CHD6: variants seen among roughly 807,000 people sequenced by gnomAD.
CHD6 encodes chromodomain helicase DNA binding protein 6.
In CHD6, 50 loss-of-function variants were observed where a neutral mutation model predicts 276.9. The observed-to-expected ratio is 0.18, with a 90% CI of 0.14 to 0.23. CHD6 has a LOEUF of 0.23. Ranked by LOEUF, CHD6 falls within the 10% of genes least tolerant of loss-of-function variation. The pLI, the probability that CHD6 is intolerant of heterozygous loss-of-function variation, is 1.00. For missense variants in CHD6, 2,564 were observed against 3,365.8 expected (o/e 0.76, Z 5.89); for synonymous variants, 1,173 against 1,229.3 (o/e 0.95, Z 0.96).
intron 3 of CHD6, among the ~76,000 whole-genome samples, chr20:41,518,058 C>T (rs2044294246): frequency 5.3e-5 from 8 of 152,180 alleles, no homozygotes; most frequent in Admixed American, 4.6e-4. Flanking sequence ...TTATAGCTCT[C>T]TTAGAAAAAG....
chr20:41,496,009 G>T (rs1376551539), intron 8 of CHD6, among the ~76,000 whole-genome samples: 1 of 152,196 alleles, frequency 6.6e-6, no homozygotes, highest in Non-Finnish European at 1.5e-5. Context: ...CACCATGACA[G>T]TCCTCTTGCA....
intron 2 of CHD6, among the ~76,000 whole-genome samples, chr20:41,541,095 CCA>C: frequency 6.6e-6 from 1 of 150,882 alleles, no homozygotes; most frequent in Non-Finnish European, 1.5e-5. Context: ...TGGAACTTAT[CCA>C]CTCAGCAAAG....
chr20:41,543,016 A>G (rs1340940878), intron 2 of CHD6, among the ~76,000 whole-genome samples: 1 of 151,012 alleles, frequency 6.6e-6, no homozygotes, highest in Non-Finnish European at 1.5e-5. Context: ...AGGCAGGAGA[A>G]TTGCTTGATT....
chr20:41,471,156 C>T (rs1018358091), intron 17 of CHD6, among the ~76,000 whole-genome samples: 2 of 152,206 alleles, frequency 1.3e-5, no homozygotes, highest in African/African-American at 4.8e-5. Flanking sequence ...CTCAATTCTG[C>T]CACTGTAACA....
intron 3 of CHD6, among the ~76,000 whole-genome samples, chr20:41,532,563 G>T (rs1419358334): frequency 6.6e-6 from 1 of 152,156 alleles, no homozygotes; most frequent in Non-Finnish European, 1.5e-5. Flanking sequence ...ATTCTTTTTA[G>T]TCCAAAAGGA....
chr20:41,453,204 C>T (rs906466060), intron 20 of CHD6, among the ~76,000 whole-genome samples: 2 of 151,990 alleles, frequency 1.3e-5, no homozygotes, highest in South Asian at 2.1e-4. Context: ...TCATTCTACC[C>T]GGGGTGTGGG....
chr20:41,558,572 G>C (rs768087352), intron 1 of CHD6, among the ~76,000 whole-genome samples: 1 of 152,092 alleles, frequency 6.6e-6, no homozygotes, highest in African/African-American at 2.4e-5. Flanking sequence ...TAAGAAAAAG[G>C]GTGCCAAGTT....
intron 1 of CHD6, among the ~76,000 whole-genome samples, chr20:41,598,931 T>A (rs2045746433): frequency 6.6e-6 from 1 of 151,838 alleles, no homozygotes. Context: ...AAAAGGACAA[T>A]CACAAAAAAA....
chr20:41,564,315 C>T (rs1000101222), intron 1 of CHD6, among the ~76,000 whole-genome samples: 2 of 152,132 alleles, frequency 1.3e-5, no homozygotes, highest in Admixed American at 6.5e-5. Context: ...AATGTAAACT[C>T]CCTCTTGGGG....
chr20:41,450,177 G>A (rs1201782021), intron 23 of CHD6, among the ~76,000 whole-genome samples: 1 of 152,190 alleles, frequency 6.6e-6, no homozygotes, highest in African/African-American at 2.4e-5. Context: ...TTAAGAAGAT[G>A]TTATAGGGAG....
At chr20:41,479,136 A>T (rs115122225) in intron 16 of CHD6, among the ~76,000 whole-genome samples, 1,994 of 152,256 alleles carry the variant, frequency 0.013, 41 homozygotes, top group African/African-American at 0.046. Context: ...TTGAAGACAG[A>T]TAAAAGAGAG....
At chr20:41,545,467 G>T (rs2045022381) in intron 2 of CHD6, among the ~76,000 whole-genome samples, 1 of 152,150 alleles carries the variant, frequency 6.6e-6, no homozygotes, top group African/African-American at 2.4e-5. Context: ...TGATTCTAGG[G>T]TGAGGCTCTT....
rs185684824 is a variant in CHD6 at position 41,556,271 on chromosome 20, G to A, written c.-23-4911C>T. On this transcript the variant is annotated intron_variant, in intron 1 of 36. Coordinates refer to ENST00000373233, the MANE Select transcript of CHD6 (RefSeq NM_032221.5). ...GAGGGAGAGGGAGAGGGAGACCGTG[G>A]GGAGACGGGAGAGGGAGAGGGAGAC... Among the ~76,000 whole-genome samples the A allele has an allele frequency of 1.3e-4, 20 of 151,624 alleles. No homozygotes were observed. The East Asian group carries it at 4.0e-3, about 30-fold the overall frequency.
At chr20:41,585,511 C>CAAAAAA (rs60920576) in intron 1 of CHD6, among the ~76,000 whole-genome samples, 21 of 74,154 alleles carry the variant, frequency 2.8e-4, no homozygotes, top group South Asian at 4.7e-4. Flanking sequence ...TCCGTCTCAC[C>CAAAAAA]AAAAAAAAAA....
intron 1 of CHD6, among the ~76,000 whole-genome samples, chr20:41,587,779 A>G (rs911582285): frequency 1.3e-5 from 2 of 152,188 alleles, no homozygotes; most frequent in African/African-American, 4.8e-5. Flanking sequence ...AAGAGCAGTC[A>G]ATGCCTGAAC....
chr20:41,421,954 G>A lies in CHD6; in HGVS notation c.4681C>T (p.Arg1561Cys), dbSNP rs759575813. The change falls in exon 31 of 37, where the codon CGC becomes TGC. Residue 1561 changes from arginine to cysteine, a missense_variant. Around this residue, in one of 7 missense-constraint regions of CHD6, gnomAD observed 515 missense variants for 739.5 expected, o/e 0.70. Coordinates refer to ENST00000373233, the MANE Select transcript of CHD6 (RefSeq NM_032221.5). Reference sequence around the variant, plus strand: ...AGGCTGGGCCTGCACAGCTGGAGGCGTTCATGCAGCTGAGGGCACTTGAGC... The same window carrying A: ...AGGCTGGGCCTGCACAGCTGGAGGCATTCATGCAGCTGAGGGCACTTGAGC... ...QVLKCPQLHE[R>C]LQLCRPSLYL... 2.5e-6 allele frequency: 4 copies of A among 1,614,234 alleles called. No homozygotes were observed. The highest frequency in any genetic ancestry group is 2.2e-5 in the South Asian group (2 of 91,084).
intron 1 of CHD6, among the ~76,000 whole-genome samples, chr20:41,589,876 T>C (rs914904443): frequency 1.3e-5 from 2 of 152,180 alleles, no homozygotes; most frequent in Non-Finnish European, 2.9e-5. Flanking sequence ...TTAAAGTTCA[T>C]ATGGAACCAA....
At chr20:41,582,485 T>A (rs1357810045) in intron 1 of CHD6, among the ~76,000 whole-genome samples, 1 of 152,230 alleles carries the variant, frequency 6.6e-6, no homozygotes, top group Non-Finnish European at 1.5e-5. Context: ...TATGACTCCC[T>A]GCAAACCCCA....
intron 5 of CHD6, among the ~76,000 whole-genome samples, chr20:41,506,052 G>C (rs1407661646): frequency 1.3e-5 from 2 of 151,830 alleles, no homozygotes; most frequent in Non-Finnish European, 2.9e-5. Context: ...AATCTTGTTG[G>C]CTCTATCTTC....
Sources: gnomAD v4.1 joint callset for allele counts (sites outside exome capture counted in the v4.1 genomes callset) on GRCh38, gnomAD v4.1.1 for gene constraint, gnomAD v4.1.1 regional missense constraint, MANE v1.5 for transcripts, NCBI Gene and HGNC (gene_info 2026-07-23, HGNC 2026-07-21) for gene names.